The following VEPH1 variants were observed in gnomAD, a reference collection of about 807,000 sequenced individuals.
The protein encoded by VEPH1 is ventricular zone-expressed PH domain-containing protein homolog 1.
In VEPH1, 80 loss-of-function variants were observed where a neutral mutation model predicts 85.2. The ratio of observed to expected loss-of-function variants is 0.94; its 90% confidence interval spans 0.78 to 1.13. The LOEUF (loss-of-function observed/expected upper bound fraction) is 1.13. Ranked by LOEUF, VEPH1 falls within the 50% of genes most tolerant of loss-of-function variation. The probability of loss-of-function intolerance (pLI) is 0.00; values close to 1 mark genes in which losing one functional copy is unlikely to be tolerated. For synonymous variants in VEPH1, 297 were observed against 348.0 expected (o/e 0.85, Z 1.63); for missense variants, 955 against 980.5 (o/e 0.97, Z 0.35).
At chr3:157,375,083 A>G (rs1022248768) in intron 7 of VEPH1, among the ~76,000 whole-genome samples, 9 of 152,214 alleles carry the variant, frequency 5.9e-5, no homozygotes, top group Admixed American at 4.6e-4. Flanking sequence ...GGTTTACTCT[A>G]TTACGCTCTA....
chr3:157,304,018 A>G (rs1196383340), intron 11 of VEPH1, among the ~76,000 whole-genome samples: 1 of 64,878 alleles, frequency 1.5e-5, no homozygotes, highest in Non-Finnish European at 4.1e-5. Context: ...CTCATCTTAT[A>G]TTTTTTATAT....
chr3:157,440,540 A>G (rs1340930316), intron 4 of VEPH1, among the ~76,000 whole-genome samples: 1 of 152,078 alleles, frequency 6.6e-6, no homozygotes, highest in Non-Finnish European at 1.5e-5. Flanking sequence ...AGGTTGTTAT[A>G]CCTGCCCTAA....
chr3:157,466,884 A>C (rs1019393468), intron 3 of VEPH1, among the ~76,000 whole-genome samples: 3 of 152,238 alleles, frequency 2.0e-5, no homozygotes, highest in Non-Finnish European at 4.4e-5. Flanking sequence ...TCACAAGTGC[A>C]TGTCCCATAT....
intron 12 of VEPH1, among the ~76,000 whole-genome samples, chr3:157,276,571 G>T (rs1159430220): frequency 6.6e-6 from 1 of 152,202 alleles, no homozygotes; most frequent in Non-Finnish European, 1.5e-5. Context: ...AAAACCAATT[G>T]TAGGGAGAAA....
At chr3:157,290,175 T>G (rs1366190474) in intron 11 of VEPH1, among the ~76,000 whole-genome samples, 1 of 152,082 alleles carries the variant, frequency 6.6e-6, no homozygotes, top group Non-Finnish European at 1.5e-5. Context: ...ATGCGTGGCT[T>G]TTAGGATCTT....
chr3:157,402,636 G>A (rs948502314), intron 6 of VEPH1, among the ~76,000 whole-genome samples: 3 of 152,118 alleles, frequency 2.0e-5, no homozygotes, highest in South Asian at 4.1e-4. Flanking sequence ...GATCTATACT[G>A]CACTGAAGGT....
At chr3:157,479,744 T>A (rs1737842586) in intron 2 of VEPH1, among the ~76,000 whole-genome samples, 1 of 152,148 alleles carries the variant, frequency 6.6e-6, no homozygotes, top group Non-Finnish European at 1.5e-5. Context: ...ATCACTCATC[T>A]CTCTAAGCCT....
chr3:157,467,639 C>T (rs1428972801), intron 3 of VEPH1, among the ~76,000 whole-genome samples: 1 of 152,224 alleles, frequency 6.6e-6, no homozygotes, highest in Non-Finnish European at 1.5e-5. Flanking sequence ...CTGAACTTTG[C>T]TGAAAGCAAG....
At chr3:157,498,735 T>A (rs1170316103) in intron 1 of VEPH1, among the ~76,000 whole-genome samples, 1 of 152,222 alleles carries the variant, frequency 6.6e-6, no homozygotes, top group Non-Finnish European at 1.5e-5. Flanking sequence ...TCATTAATAT[T>A]TTGCTCAGGT....
At chr3:157,477,707 T>A (rs1417870930) in intron 2 of VEPH1, among the ~76,000 whole-genome samples, 2 of 152,200 alleles carry the variant, frequency 1.3e-5, no homozygotes, top group East Asian at 3.9e-4. Context: ...TCAGTCACTC[T>A]AGTGTGATCC....
chr3:157,434,778 T>A (rs1291149012), intron 4 of VEPH1, among the ~76,000 whole-genome samples: 1 of 152,198 alleles, frequency 6.6e-6, no homozygotes, highest in Non-Finnish European at 1.5e-5. Context: ...TTTTTTTTCA[T>A]AGATCAAGTC....
chr3:157,484,324 CTA>C (rs941796354), intron 2 of VEPH1, among the ~76,000 whole-genome samples: 76 of 152,252 alleles, frequency 5.0e-4, no homozygotes, highest in African/African-American at 1.7e-3. Flanking sequence ...TGGGGTCTTG[CTA>C]TGTTGCCCAG....
At position 157,363,741 on chromosome 3, in the gene VEPH1, T is replaced by G; in HGVS notation, c.1358A>C (p.His453Pro). The change falls in exon 9 of 14, where the codon CAC becomes CCC. Residue 453 changes from histidine to proline, a missense_variant. Physicochemically the swap from His to Pro is moderately conservative, Grantham distance 77. Coordinates refer to ENST00000362010, the MANE Select transcript of VEPH1 (RefSeq NM_001167912.2). ...RFNRSKSLAF[H>P]TMLTKGVGSD... is the part of the protein sequence containing the mutation. The stretch of plus-strand genomic sequence containing the variant: ...ACCCACACCCTTTGTGAGCATAGTG[T>G]GGAAAGCCAAACTTTTTGACCTAGA... 2 of 1,612,702 alleles carry G rather than the reference T, an allele frequency of 1.2e-6. No homozygotes were observed. The highest frequency in any genetic ancestry group is 1.7e-6 in the Non-Finnish European group (2 of 1,178,936).
At chr3:157,413,015 C>T (rs931333275) in intron 6 of VEPH1, among the ~76,000 whole-genome samples, 8 of 152,052 alleles carry the variant, frequency 5.3e-5, no homozygotes, top group Non-Finnish European at 1.2e-4. Flanking sequence ...TATGCAGAAT[C>T]AAGGGATTGA....
At chr3:157,266,502 A>G (rs1475879690) in intron 12 of VEPH1, among the ~76,000 whole-genome samples, 1 of 152,114 alleles carries the variant, frequency 6.6e-6, no homozygotes, top group Non-Finnish European at 1.5e-5. Context: ...TGCTTATCTG[A>G]TTAATATCTT....
chr3:157,314,096 G>T (rs1202843420), intron 10 of VEPH1, among the ~76,000 whole-genome samples: 8 of 151,900 alleles, frequency 5.3e-5, no homozygotes, highest in African/African-American at 1.9e-4. Context: ...ACTTTGGGAG[G>T]CTGAGGTGGG....
chr3:157,493,220 A>T (rs1739376855), intron 2 of VEPH1: 1 of 456,124 alleles, frequency 2.2e-6, no homozygotes, highest in South Asian at 1.6e-5. Context: ...AGGAGAAGCC[A>T]CCTATTTTTC....
At chr3:157,445,465 C>CA (rs1734471928) in intron 4 of VEPH1, among the ~76,000 whole-genome samples, 1 of 151,994 alleles carries the variant, frequency 6.6e-6, no homozygotes, top group Non-Finnish European at 1.5e-5. Flanking sequence ...ACTAAAAATA[C>CA]AAAAAATGAG....
At chr3:157,296,898 C>CT (rs1381598722) in intron 11 of VEPH1, among the ~76,000 whole-genome samples, 1 of 152,210 alleles carries the variant, frequency 6.6e-6, no homozygotes, top group Non-Finnish European at 1.5e-5. Context: ...CCTAACCTGT[C>CT]TCTTTCAGTG....
Sources: allele counts gnomAD v4.1 joint callset (sites outside exome capture counted in the v4.1 genomes callset), GRCh38; gene constraint gnomAD v4.1.1; transcripts MANE v1.5; gene names NCBI Gene and HGNC (gene_info 2026-07-23, HGNC 2026-07-21).